The following CDH20 variants were observed in gnomAD, a reference collection of about 807,000 sequenced individuals.
CDH20 encodes the protein cadherin-20.
In CDH20, 29 loss-of-function variants were observed where a neutral mutation model predicts 74.2. The ratio of observed to expected loss-of-function variants is 0.39; its 90% CI spans 0.29 to 0.53. The LOEUF is 0.53. CDH20 is among the 20% of genes least tolerant of loss of function. CDH20 has a pLI of 0.69. For synonymous variants in CDH20, 469 were observed against 405.4 expected, an observed-to-expected ratio of 1.16 and a Z score of -1.88; for missense variants, 988 against 1,048.3, an observed-to-expected ratio of 0.94 and a Z score of 0.79.
rs1308899984 is a variant in CDH20, at chr18:61,345,625, C to T, written c.-153+11798C>T. Among the ~76,000 whole-genome samples the T allele has an allele frequency of 2.6e-5, 4 of 152,012 alleles. No homozygotes were observed. In the South Asian group the frequency reaches 6.3e-4, roughly 24 times the overall value. ...TGAAGTGGAATGGAGATTAGCACAT[C>T]GATGTTTCTCCCCCTAGGTTTTTAC... On this transcript the variant is annotated intron_variant, in intron 1 of 11. Transcript: ENST00000262717.
chr18:61,337,119 G>A (rs894971653), intron 1 of CDH20, among the ~76,000 whole-genome samples: 1 of 152,150 alleles, frequency 6.6e-6, no homozygotes, highest in Non-Finnish European at 1.5e-5. Flanking sequence ...AAGAGCAAGA[G>A]AGAAATAGAA....
At chr18:61,352,311 A>C (rs139795487) in intron 1 of CDH20, among the ~76,000 whole-genome samples, 1 of 152,328 alleles carries the variant, frequency 6.6e-6, no homozygotes, top group East Asian at 1.9e-4. Flanking sequence ...GGAATTCTTG[A>C]TTATCTATAT....
At chr18:61,482,099 C>G (rs1220243681) in intron 1 of CDH20, among the ~76,000 whole-genome samples, 1 of 151,720 alleles carries the variant, frequency 6.6e-6, no homozygotes, top group Non-Finnish European at 1.5e-5. Context: ...GGTACAGCAC[C>G]AGGACAGGGA....
intron 11 of CDH20, 34 bp from the exon 12 acceptor site, chr18:61,554,156 T>G (rs1273537484): frequency 6.3e-7 from 1 of 1,583,166 alleles, no homozygotes; most frequent in Admixed American, 1.7e-5. Flanking sequence ...CCACATCTCC[T>G]CGGTAAACAC....
At chr18:61,342,188 A>G (rs1301983203) in intron 1 of CDH20, among the ~76,000 whole-genome samples, 3 of 152,098 alleles carry the variant, frequency 2.0e-5, no homozygotes, top group Non-Finnish European at 4.4e-5. Context: ...GGCTACATCT[A>G]TCTATTTCAC....
At chr18:61,550,344 C>A in intron 11 of CDH20, 115 bp downstream of exon 11, 2 of 1,283,070 alleles carry the variant, frequency 1.6e-6, no homozygotes, top group Non-Finnish European at 1.1e-6. Context: ...CTTGCTTACT[C>A]AAAAGGTGGT....
At position 61,554,681 on chromosome 18, in the gene CDH20, G is replaced by C; in HGVS notation, c.2392G>C (p.Ala798Pro). The change falls in exon 12 of 12, where the codon GCG (alanine) becomes CCG (proline). Residue 798 changes from alanine to proline, a missense_variant. Ala to Pro is a conservative substitution (Grantham distance 27). This residue lies in a region of CDH20 where 375 missense variants were observed against 293.1 expected (regional missense o/e 1.28). Transcript: ENST00000262717. ...AELYGASEGP[A>P]PLW is the part of the protein sequence containing the mutation. ...GCTCTACGGGGCGTCGGAGGGACCC[G>C]CGCCGCTGTGGTGACGGAAGCCAGG... The C allele has an allele frequency of 1.3e-6, 2 of 1,570,986 alleles. No homozygotes were observed. The highest frequency in any genetic ancestry group is 1.7e-6 in the Non-Finnish European group (2 of 1,157,464).
chr18:61,392,534 C>T (rs1312169962), intron 1 of CDH20, among the ~76,000 whole-genome samples: 1 of 152,112 alleles, frequency 6.6e-6, no homozygotes, highest in African/African-American at 2.4e-5. Flanking sequence ...CTTGTTACAG[C>T]TTGGAATTAT....
chr18:61,391,730 T>C (rs1599054292), intron 1 of CDH20: 1 of 151,062 alleles, frequency 6.6e-6, no homozygotes, highest in South Asian at 2.1e-4. Flanking sequence ...TGTACATGTA[T>C]CCTGGAACTT....
At chr18:61,486,317 A>T (rs1910761325) in intron 1 of CDH20, among the ~76,000 whole-genome samples, 1 of 152,202 alleles carries the variant, frequency 6.6e-6, no homozygotes, top group African/African-American at 2.4e-5. Context: ...TATTTAGAGG[A>T]GCACTCGAAC....
intron 1 of CDH20, among the ~76,000 whole-genome samples, chr18:61,397,193 C>G (rs560080640): frequency 6.6e-6 from 1 of 152,246 alleles, no homozygotes; most frequent in African/African-American, 2.4e-5. Flanking sequence ...CTAAGACTTT[C>G]TCTGGAACCC....
intron 1 of CDH20, chr18:61,404,797 C>CTTT: frequency 2.2e-5 from 5 of 223,502 alleles, no homozygotes; most frequent in Non-Finnish European, 3.4e-5. Context: ...AAATTGTCAA[C>CTTT]TTTTTTTTTT....
intron 1 of CDH20, among the ~76,000 whole-genome samples, chr18:61,483,785 C>T (rs1910668704): frequency 6.6e-6 from 1 of 152,114 alleles, no homozygotes; most frequent in South Asian, 2.1e-4. Flanking sequence ...ATTACAATCA[C>T]CCTGTGAGAT....
rs1912815217 is a variant in CDH20 at position 61,419,763 on chromosome 18, T to A, written c.-152-70639T>A. 2.0e-5 allele frequency among the ~76,000 whole-genome samples: 3 copies of A among 152,214 alleles called. No homozygotes were observed. The South Asian group carries it at 6.2e-4, about 31-fold the overall frequency. On this transcript the variant is annotated intron_variant, in intron 1 of 11. Coordinates refer to ENST00000262717, the MANE Select transcript of CDH20 (RefSeq NM_031891.4). ...TCCCAGAGATACTTCAATTTATCAA[T>A]GTTTCTCTTACAATGTATTTCCAAT...
chr18:61,480,868 A>G (rs987742005), intron 1 of CDH20, among the ~76,000 whole-genome samples: 1 of 152,226 alleles, frequency 6.6e-6, no homozygotes, highest in African/African-American at 2.4e-5. Context: ...AGAACAAAAA[A>G]AGCATTTGTG....
intron 1 of CDH20, among the ~76,000 whole-genome samples, chr18:61,343,889 T>C (rs112880880): frequency 1.3e-5 from 2 of 152,130 alleles, no homozygotes; most frequent in Non-Finnish European, 2.9e-5. Context: ...AGCTTCCTAA[T>C]GATGAACTGC....
intron 1 of CDH20, among the ~76,000 whole-genome samples, chr18:61,440,273 T>G (rs1908984955): frequency 6.6e-6 from 1 of 152,162 alleles, no homozygotes; most frequent in Non-Finnish European, 1.5e-5. Context: ...CTTGCATAAT[T>G]TAACTTGACT....
intron 1 of CDH20, among the ~76,000 whole-genome samples, chr18:61,451,325 T>A (rs564774501): frequency 6.6e-6 from 1 of 152,140 alleles, no homozygotes; most frequent in East Asian, 1.9e-4. Flanking sequence ...TATTAAATTA[T>A]ATAAAAAAAC....
At chr18:61,534,346 A>G (rs1400242745) in intron 7 of CDH20, among the ~76,000 whole-genome samples, 1 of 152,214 alleles carries the variant, frequency 6.6e-6, no homozygotes, top group Non-Finnish European at 1.5e-5. Flanking sequence ...CTAAAAAGAG[A>G]ATTACCATAT....
Sources: gnomAD v4.1 joint callset for allele counts (sites outside exome capture counted in the v4.1 genomes callset) on GRCh38, gnomAD v4.1.1 for gene constraint, gnomAD v4.1.1 regional missense constraint, MANE v1.5 for transcripts, NCBI Gene and HGNC (gene_info 2026-07-23, HGNC 2026-07-21) for gene names.